Variants in ASTN2 observed in about 807,000 individuals in gnomAD.
The protein encoded by ASTN2 is astrotactin 2.
In ASTN2, 54 loss-of-function variants were observed where a neutral mutation model predicts 139.8. The observed-to-expected ratio is 0.39, with a 90% confidence interval of 0.31 to 0.48. The LOEUF is 0.48. Ranked by LOEUF, ASTN2 falls within the 20% of genes least tolerant of loss-of-function variation. The probability of loss-of-function intolerance (pLI) is 0.95; values close to 1 mark genes in which losing one functional copy is unlikely to be tolerated. For missense variants in ASTN2, 1,565 were observed against 1,725.1 expected, an observed-to-expected ratio of 0.91 and a Z score of 1.64; for synonymous variants, 756 against 719.5, an observed-to-expected ratio of 1.05 and a Z score of -0.81.
chr9:116,920,647 G>C (rs1440373956), intron 10 of ASTN2, among the ~76,000 whole-genome samples: 1 of 152,184 alleles, frequency 6.6e-6, no homozygotes, highest in Admixed American at 6.5e-5. Flanking sequence ...CATGAGGGCA[G>C]GGGGATTTTG....
intron 1 of ASTN2, among the ~76,000 whole-genome samples, chr9:117,412,007 T>TCC (rs145255224): frequency 1.2e-3 from 116 of 92,816 alleles, no homozygotes; most frequent in African/African-American, 5.0e-3. Flanking sequence ...ACCTCACCCC[T>TCC]CCCCCCCCCA....
chr9:116,476,454 G>A (rs1588094298), intron 20 of ASTN2, among the ~76,000 whole-genome samples: 1 of 152,100 alleles, frequency 6.6e-6, no homozygotes, highest in East Asian at 1.9e-4. Context: ...GGCTGGGCTA[G>A]TGGCTCTTCC....
chr9:116,906,477 C>G (rs1303283656), intron 10 of ASTN2, among the ~76,000 whole-genome samples: 1 of 152,126 alleles, frequency 6.6e-6, no homozygotes, highest in Non-Finnish European at 1.5e-5. Flanking sequence ...TTGTCTTTCC[C>G]CCTTCCATGG....
intron 16 of ASTN2, among the ~76,000 whole-genome samples, chr9:116,675,325 G>A (rs2132000787): frequency 6.6e-6 from 1 of 152,248 alleles, no homozygotes; most frequent in Non-Finnish European, 1.5e-5. Context: ...ACTATCCTAG[G>A]TGCTTCCAAT....
At chr9:116,905,160 G>T (rs760921672) in intron 10 of ASTN2, among the ~76,000 whole-genome samples, 14 of 151,494 alleles carry the variant, frequency 9.2e-5, no homozygotes, top group Non-Finnish European at 1.9e-4. Flanking sequence ...TTCTGGAGGG[G>T]CCGCGGGTGG....
chr9:116,469,491 T>C lies in ASTN2; in HGVS notation c.3497+17868A>G, dbSNP rs1848747714. ...TAAAGCTCAGCAGGAGGGAATATAG[T>C]TCAGCGGGTCAGAGCCTGAGCTCTG... On this transcript the variant is annotated intron_variant, in intron 20 of 22. Transcript: ENST00000313400. 2.6e-5 allele frequency among the ~76,000 whole-genome samples: 4 copies of C among 152,126 alleles called. No individual in the cohort carries two copies. The South Asian group carries it at 8.3e-4, about 32-fold the overall frequency.
intron 3 of ASTN2, among the ~76,000 whole-genome samples, chr9:117,209,005 C>A (rs1832029372): frequency 1.3e-5 from 2 of 152,208 alleles, no homozygotes; most frequent in South Asian, 4.2e-4. Flanking sequence ...GAAAAGATAA[C>A]AACTATGATC....
At chr9:116,839,881 A>ATTATTTTTTTTTTTT (rs55634992) in intron 11 of ASTN2, among the ~76,000 whole-genome samples, 1 of 127,982 alleles carries the variant, frequency 7.8e-6, no homozygotes. Flanking sequence ...TATTATTATT[A>ATTATTTTTTTTTTTT]TTTTTTTTTT....
chr9:116,507,086 C>A (rs1032344764), intron 19 of ASTN2, among the ~76,000 whole-genome samples: 1 of 152,144 alleles, frequency 6.6e-6, no homozygotes, highest in Non-Finnish European at 1.5e-5. Flanking sequence ...CATACATAAT[C>A]GCTTTAACAT....
chr9:116,683,432 C>T (rs1090018), intron 16 of ASTN2, among the ~76,000 whole-genome samples: 143,040 of 152,300 alleles, frequency 0.94, 67,243 homozygotes, highest in African/African-American at 0.98. Context: ...TAGTCAATTG[C>T]AGCTTTAATA....
At chr9:116,470,657 A>G (rs536556723) in intron 20 of ASTN2, among the ~76,000 whole-genome samples, 3 of 152,312 alleles carry the variant, frequency 2.0e-5, no homozygotes, top group South Asian at 2.1e-4. Context: ...TTTGCACTCC[A>G]AAGTATTTAC....
At chr9:116,848,176 T>A (rs1832496467) in intron 11 of ASTN2, among the ~76,000 whole-genome samples, 1 of 152,192 alleles carries the variant, frequency 6.6e-6, no homozygotes. Flanking sequence ...GCACCATTAT[T>A]TTCACCACTC....
chr9:116,484,135 G>A (rs1228273990), intron 20 of ASTN2, among the ~76,000 whole-genome samples: 1 of 152,214 alleles, frequency 6.6e-6, no homozygotes, highest in Non-Finnish European at 1.5e-5. Context: ...AGTTCCTCCA[G>A]AGCTGTGCTT....
chr9:116,582,902 T>G (rs937513399), intron 19 of ASTN2: 4 of 152,254 alleles, frequency 2.6e-5, no homozygotes, highest in Admixed American at 1.3e-4. Flanking sequence ...GTCCCTGTCT[T>G]GTCTCCTCTC....
chr9:116,733,967 C>T (rs186911426), intron 13 of ASTN2, among the ~76,000 whole-genome samples: 3 of 151,916 alleles, frequency 2.0e-5, no homozygotes, highest in East Asian at 1.9e-4. Flanking sequence ...GAGAATAGTG[C>T]GTAGTGTTTG....
chr9:116,644,445 A>G (rs1222780735), intron 17 of ASTN2, among the ~76,000 whole-genome samples: 3 of 152,174 alleles, frequency 2.0e-5, no homozygotes, highest in Non-Finnish European at 2.9e-5. Flanking sequence ...TAATTTTTCT[A>G]CAGACAGCTG....
intron 3 of ASTN2, among the ~76,000 whole-genome samples, chr9:117,165,995 A>G (rs933588338): frequency 2.6e-5 from 4 of 152,166 alleles, no homozygotes; most frequent in Admixed American, 1.3e-4. Flanking sequence ...CCTGTGAAAC[A>G]TAATCATGGA....
At chr9:116,798,533 T>C (rs531818492) in intron 13 of ASTN2, among the ~76,000 whole-genome samples, 1 of 152,330 alleles carries the variant, frequency 6.6e-6, no homozygotes, top group African/African-American at 2.4e-5. Context: ...GCCTAATCTG[T>C]CTGTGCTTCA....
intron 10 of ASTN2, among the ~76,000 whole-genome samples, chr9:116,899,881 A>T (rs1390776033): frequency 6.6e-6 from 1 of 152,086 alleles, no homozygotes; most frequent in East Asian, 1.9e-4. Flanking sequence ...CACATCCTGC[A>T]TTCCGATATC....
Sources: gnomAD v4.1 joint callset for allele counts (sites outside exome capture counted in the v4.1 genomes callset) on GRCh38, gnomAD v4.1.1 for gene constraint, MANE v1.5 for transcripts, NCBI Gene and HGNC (gene_info 2026-07-23, HGNC 2026-07-21) for gene names.